Variants in PTPRR observed in about 807,000 individuals in gnomAD.
PTPRR encodes the protein protein tyrosine phosphatase receptor type R, also known as receptor-type tyrosine-protein phosphatase R.
PTPRR carries 38 observed loss-of-function variants against 77.2 expected under a neutral mutation model. The observed-to-expected ratio is 0.49, with a 90% CI of 0.38 to 0.65. PTPRR has a LOEUF of 0.65. PTPRR is among the 30% of genes least tolerant of loss of function. PTPRR has a pLI of 0.00. For missense variants in PTPRR, 744 were observed against 799.2 expected (o/e 0.93, Z 0.83); for synonymous variants, 299 against 283.1 (o/e 1.06, Z -0.57).
At chr12:70,875,927 T>C (rs1893044037) in intron 2 of PTPRR, among the ~76,000 whole-genome samples, 1 of 152,086 alleles carries the variant, frequency 6.6e-6, no homozygotes. Flanking sequence ...TCCTTTTCCA[T>C]AGTCAGGGAG....
At chr12:70,669,561 C>T (rs1178266345) in intron 10 of PTPRR, among the ~76,000 whole-genome samples, 1 of 141,526 alleles carries the variant, frequency 7.1e-6, no homozygotes, top group Non-Finnish European at 1.6e-5. Context: ...ATATGTTATA[C>T]ACACACACAC....
At chr12:70,770,326 A>C (rs1191721282) in intron 2 of PTPRR, among the ~76,000 whole-genome samples, 8 of 152,088 alleles carry the variant, frequency 5.3e-5, no homozygotes, top group Non-Finnish European at 1.2e-4. Flanking sequence ...AAAAACAAAC[A>C]ACCCCATCAA....
chr12:70,909,271 G>A (rs1893666755), intron 1 of PTPRR, among the ~76,000 whole-genome samples: 1 of 152,110 alleles, frequency 6.6e-6, no homozygotes, highest in Admixed American at 6.6e-5. Flanking sequence ...GTATGTGTGA[G>A]AACTCTCTTT....
chr12:70,658,883 G>GGTTTTTTTTTTTTTT (rs1295017452), intron 12 of PTPRR, among the ~76,000 whole-genome samples: 1 of 36,926 alleles, frequency 2.7e-5, no homozygotes, highest in African/African-American at 1.1e-4. Context: ...TTTTGCTCTA[G>GGTTTTTTTTTTTTTT]TTTTTTTTTT....
rs534734160 is a variant in PTPRR, at chr12:70,776,652, G to A, written c.358-11874C>T. ...CCTTTTCACATTGTTAGCGCACACC[G>A]GGATCAGTGCTAGGGGCTCTTTCTT... On this transcript the variant is annotated intron_variant, in intron 2 of 13. Transcript: ENST00000283228. Among the ~76,000 whole-genome samples the A allele has an allele frequency of 1.2e-4, 19 of 152,020 alleles. No homozygotes were observed. In the South Asian group the frequency reaches 2.9e-3, roughly 23 times the overall value.
At chr12:70,784,276 C>T (rs74961546) in intron 2 of PTPRR, among the ~76,000 whole-genome samples, 2 of 152,338 alleles carry the variant, frequency 1.3e-5, no homozygotes, top group African/African-American at 4.8e-5. Flanking sequence ...GGAGCTCCCA[C>T]CTGCCAACTT....
intron 10 of PTPRR, chr12:70,664,446 C>A (rs1403418611): frequency 6.6e-6 from 1 of 152,202 alleles, no homozygotes; most frequent in Non-Finnish European, 1.5e-5. Context: ...GACAAAGAAT[C>A]TTGGAAAAGG....
intron 6 of PTPRR, among the ~76,000 whole-genome samples, chr12:70,740,211 T>C (rs1299913935): frequency 6.6e-6 from 1 of 152,146 alleles, no homozygotes; most frequent in Non-Finnish European, 1.5e-5. Context: ...TGTACAATTA[T>C]ATGACACAAC....
chr12:70,755,269 T>A (rs1431926431), intron 4 of PTPRR, among the ~76,000 whole-genome samples: 1 of 152,214 alleles, frequency 6.6e-6, no homozygotes, highest in East Asian at 1.9e-4. Flanking sequence ...GCCTTTTTAT[T>A]CCCTTTAGTG....
At chr12:70,859,518 G>A (rs1266176224) in intron 2 of PTPRR, among the ~76,000 whole-genome samples, 1 of 151,886 alleles carries the variant, frequency 6.6e-6, no homozygotes, top group Non-Finnish European at 1.5e-5. Context: ...CAGGGAGGGG[G>A]GTAATTGATG....
chr12:70,706,310 G>A (rs1341046063), intron 6 of PTPRR, among the ~76,000 whole-genome samples: 2 of 152,044 alleles, frequency 1.3e-5, no homozygotes, highest in Non-Finnish European at 2.9e-5. Flanking sequence ...CGGACCACTA[G>A]GAAAGTTAAA....
chr12:70,734,317 C>G (rs759488981), intron 6 of PTPRR, among the ~76,000 whole-genome samples: 1 of 152,104 alleles, frequency 6.6e-6, no homozygotes, highest in Non-Finnish European at 1.5e-5. Context: ...AAAATTGTAC[C>G]ACGACCACCT....
intron 2 of PTPRR, among the ~76,000 whole-genome samples, chr12:70,791,344 A>G (rs1178804373): frequency 6.6e-6 from 1 of 152,166 alleles, no homozygotes; most frequent in African/African-American, 2.4e-5. Flanking sequence ...TCACTGTTAG[A>G]AATCCTCTGA....
intron 2 of PTPRR, among the ~76,000 whole-genome samples, chr12:70,830,030 C>T (rs1031128940): frequency 6.6e-6 from 1 of 152,060 alleles, no homozygotes; most frequent in South Asian, 2.1e-4. Flanking sequence ...TAGAGTTTGG[C>T]TCTAGGTCCA....
chr12:70,759,109 C>CT (rs1433864734), intron 4 of PTPRR, among the ~76,000 whole-genome samples: 1 of 152,060 alleles, frequency 6.6e-6, no homozygotes, highest in African/African-American at 2.4e-5. Flanking sequence ...TAATTTTTAA[C>CT]TTTTTTTGTA....
At chr12:70,737,162 G>T (rs956968714) in intron 6 of PTPRR, among the ~76,000 whole-genome samples, 3 of 152,088 alleles carry the variant, frequency 2.0e-5, no homozygotes, top group Non-Finnish European at 2.9e-5. Context: ...GGGTGCAGAG[G>T]CTCAGCCCCC....
chr12:70,867,879 G>A (rs942307698), intron 2 of PTPRR, among the ~76,000 whole-genome samples: 5 of 152,178 alleles, frequency 3.3e-5, no homozygotes, highest in African/African-American at 1.2e-4. Context: ...CAGAAATAAT[G>A]CCGCATATCT....
chr12:70,807,171 T>A lies in PTPRR; in HGVS notation c.358-42393A>T, dbSNP rs560600515. 6.6e-5 allele frequency among the ~76,000 whole-genome samples: 10 copies of A among 152,266 alleles called. No homozygotes were observed. The South Asian group carries it at 2.1e-3, about 32-fold the overall frequency. ...TATTTTACAACCATGAAGTAGAAAG[T>A]ACAAAGCCAGAAGGCACATGCAAAG... On this transcript the variant is annotated intron_variant, in intron 2 of 13. Transcript: ENST00000283228.
chr12:70,647,829 G>A (rs547203497), intron 13 of PTPRR, among the ~76,000 whole-genome samples: 91 of 152,174 alleles, frequency 6.0e-4, no homozygotes, highest in African/African-American at 2.2e-3. Context: ...ATGTGATTGA[G>A]CAAAATATCC....
Sources: allele counts gnomAD v4.1 joint callset (sites outside exome capture counted in the v4.1 genomes callset), GRCh38; gene constraint gnomAD v4.1.1; transcripts MANE v1.5; gene names NCBI Gene and HGNC (gene_info 2026-07-23, HGNC 2026-07-21).